Variants in GRAP2 observed in about 807,000 individuals in gnomAD.
GRAP2 encodes GRB2-related adapter protein 2.
A neutral mutation model predicts 43.5 loss-of-function variants in GRAP2; 31 were observed. That is an observed-to-expected ratio of 0.71 (90% confidence interval 0.54 to 0.96). The LOEUF (loss-of-function observed/expected upper bound fraction) is 0.96. Ranked by LOEUF, GRAP2 falls within the 40% of genes least tolerant of loss-of-function variation. GRAP2 has a pLI of 0.00. For synonymous variants in GRAP2, 156 were observed against 164.8 expected (o/e 0.95, Z 0.41); for missense variants, 371 against 424.4 (o/e 0.87, Z 1.11).
chr22:39,951,266 G>T (rs148424014), intron 2 of GRAP2, among the ~76,000 whole-genome samples: 2 of 152,146 alleles, frequency 1.3e-5, no homozygotes, highest in African/African-American at 4.8e-5. Context: ...CACCATACCT[G>T]CAGCTACACA....
intron 1 of GRAP2, among the ~76,000 whole-genome samples, chr22:39,919,412 T>G (rs1426118359): frequency 6.6e-6 from 1 of 152,226 alleles, no homozygotes; most frequent in Admixed American, 6.5e-5. Context: ...TTTTGCAGTT[T>G]TAAGGTTTCT....
intron 1 of GRAP2, among the ~76,000 whole-genome samples, chr22:39,944,140 A>G (rs1472071337): frequency 2.0e-5 from 3 of 152,160 alleles, no homozygotes; most frequent in Non-Finnish European, 1.5e-5. Context: ...CCCAGTTTAT[A>G]TCTGCATCAT....
At chr22:39,964,059 G>C in intron 4 of GRAP2, 1 of 264,156 alleles carries the variant, frequency 3.8e-6, no homozygotes, top group Non-Finnish European at 7.2e-6. Context: ...TTTACTCTCC[G>C]AGACCCTTTA....
chr22:39,901,487 G>T (rs2145562090), intron 1 of GRAP2, among the ~76,000 whole-genome samples, 157 bp downstream of exon 1: 1 of 152,316 alleles, frequency 6.6e-6, no homozygotes. Context: ...ACCTTTTGCT[G>T]TGACAATGTT....
chr22:39,915,208 A>G (rs561316090), intron 1 of GRAP2, among the ~76,000 whole-genome samples: 1 of 151,740 alleles, frequency 6.6e-6, no homozygotes, highest in South Asian at 2.1e-4. Flanking sequence ...AAAAAAAAGA[A>G]AAGAAAAAAA....
At chr22:39,965,210 C>A (rs1163329652) in intron 4 of GRAP2, among the ~76,000 whole-genome samples, 2 of 152,238 alleles carry the variant, frequency 1.3e-5, no homozygotes, top group South Asian at 4.1e-4. Context: ...ACCAACATGG[C>A]GAAACCCCGT....
intron 1 of GRAP2, 76 bp downstream of exon 1, chr22:39,901,406 T>C: frequency 4.0e-6 from 2 of 499,546 alleles, no homozygotes; most frequent in Non-Finnish European, 7.3e-6. Flanking sequence ...ATGTTCTGTA[T>C]GAGTTAATTA....
chr22:39,901,045 G>A (rs779032100), upstream of GRAP2: 8 of 310,630 alleles, frequency 2.6e-5, no homozygotes, highest in East Asian at 8.7e-5. Context: ...CCAACTCTCC[G>A]AAGCCCCATA....
upstream of GRAP2, among the ~76,000 whole-genome samples, chr22:39,897,965 C>G (rs892253871): frequency 4.6e-5 from 7 of 152,212 alleles, no homozygotes; most frequent in African/African-American, 1.7e-4. Context: ...CCATTGGCTT[C>G]CATCTCACTC....
At chr22:39,922,158 T>A (rs2066658424) in intron 1 of GRAP2, among the ~76,000 whole-genome samples, 1 of 152,116 alleles carries the variant, frequency 6.6e-6, no homozygotes, top group Admixed American at 6.6e-5. Flanking sequence ...TACTTCTCAG[T>A]TGGGAGAGCT....
chr22:39,960,315 A>G, intron 4 of GRAP2, 141 bp downstream of exon 4: 1 of 729,658 alleles, frequency 1.4e-6, no homozygotes, highest in South Asian at 1.7e-5. Flanking sequence ...CAGCAGCTTC[A>G]CAACCTGCTG....
intron 1 of GRAP2, among the ~76,000 whole-genome samples, chr22:39,934,500 G>A (rs1245613847): frequency 6.6e-6 from 1 of 152,168 alleles, no homozygotes; most frequent in Non-Finnish European, 1.5e-5. Flanking sequence ...ATAACCAGAG[G>A]GTTAGGAGTA....
chr22:39,953,419 C>T (rs1384040818), intron 2 of GRAP2, among the ~76,000 whole-genome samples: 2 of 152,150 alleles, frequency 1.3e-5, no homozygotes, highest in African/African-American at 2.4e-5. Flanking sequence ...CCTTAGCTTC[C>T]AAGATTGGTC....
intron 4 of GRAP2, 59 bp from the exon 5 acceptor site, chr22:39,965,931 C>A: frequency 2.9e-6 from 4 of 1,360,676 alleles, no homozygotes; most frequent in Non-Finnish European, 4.2e-6. Context: ...TGTGAGCAGC[C>A]TGGAGGTGGT....
chr22:39,955,155 A>G (rs1241843552), intron 2 of GRAP2, among the ~76,000 whole-genome samples: 1 of 152,160 alleles, frequency 6.6e-6, no homozygotes, highest in Non-Finnish European at 1.5e-5. Context: ...TCAAAGGATC[A>G]AGACAGTCCC....
chr22:39,945,712 A>C (rs2066915049), intron 1 of GRAP2, among the ~76,000 whole-genome samples: 1 of 152,242 alleles, frequency 6.6e-6, no homozygotes, highest in Non-Finnish European at 1.5e-5. Context: ...CAATGAGAAA[A>C]GTTCATAGGA....
the GRAP2 span, among the ~76,000 whole-genome samples, chr22:39,894,871 G>T: frequency 6.6e-6 from 1 of 152,178 alleles, no homozygotes; most frequent in Non-Finnish European, 1.5e-5. Context: ...ATCTAATTCT[G>T]CCACTGAGTA....
rs530936157 is a variant in GRAP2, at chr22:39,960,305, C to T, written c.290+131C>T. The T allele has an allele frequency of 2.5e-4, 199 of 797,546 alleles. No homozygotes were observed. In the African/African-American group the frequency reaches 3.2e-3, roughly 13 times the overall value. The allele number at this position is 797,546 out of a possible 1,614,324, so 49.4% of individuals were successfully genotyped here. A position where few individuals can be genotyped will look rare whatever the true frequency, so the allele number is the denominator to read the frequency against. On this transcript the variant is annotated intron_variant, in intron 4 of 7. Transcript: ENST00000344138. Reference sequence around the variant, plus strand: ...ATGGTGGCCTAGGGGCCAAGCATGGCAGCAGCTTCACAACCTGCTGCTCCC... The same window carrying T: ...ATGGTGGCCTAGGGGCCAAGCATGGTAGCAGCTTCACAACCTGCTGCTCCC...
the GRAP2 span, among the ~76,000 whole-genome samples, chr22:39,894,382 A>G: frequency 1.5e-5 from 2 of 130,546 alleles, no homozygotes; most frequent in African/African-American, 2.9e-5. Flanking sequence ...ACACATGGAC[A>G]CAGGAAGGGG....
Sources: gnomAD v4.1 joint callset for allele counts (sites outside exome capture counted in the v4.1 genomes callset) on GRCh38, gnomAD v4.1.1 for gene constraint, MANE v1.5 for transcripts, NCBI Gene and HGNC (gene_info 2026-07-23, HGNC 2026-07-21) for gene names.